The following ANOS1 variants were observed in gnomAD, a reference collection of about 807,000 sequenced individuals.
ANOS1 encodes the protein anosmin 1.
ANOS1 carries 6 observed loss-of-function variants against 59.0 expected under a neutral mutation model. The observed-to-expected ratio is 0.10, with a 90% CI of 0.06 to 0.20. The LOEUF (loss-of-function observed/expected upper bound fraction) is 0.20. ANOS1 is among the 10% of genes least tolerant of loss of function. ANOS1 has a pLI of 1.00. For missense variants in ANOS1, 433 were observed against 542.3 expected (o/e 0.80, Z 2.00); for synonymous variants, 217 against 223.4 (o/e 0.97, Z 0.25).
At chrX:8,658,487 A>T (rs5934469) in intron 2 of ANOS1, among the ~76,000 whole-genome samples, 25,038 of 110,641 alleles carry the variant, frequency 0.23, 2,141 homozygotes, top group East Asian at 0.39. Context: ...CTGTTTTTTA[A>T]CCTCCATGCC....
intron 2 of ANOS1, among the ~76,000 whole-genome samples, chrX:8,692,772 C>T (rs1476710): frequency 0.51 from 55,923 of 110,238 alleles, 10,978 homozygotes; most frequent in African/African-American, 0.71. Flanking sequence ...CCTATCATAT[C>T]TCTCCATCAG....
chrX:8,625,057 C>T (rs1931368307), intron 2 of ANOS1, among the ~76,000 whole-genome samples: 1 of 110,106 alleles, frequency 9.1e-6, no homozygotes, highest in Non-Finnish European at 1.9e-5. Flanking sequence ...TGCAGTGAGC[C>T]GAGATCGGGC....
chrX:8,591,731 A>AT (rs1181516437), intron 4 of ANOS1, among the ~76,000 whole-genome samples: 4 of 112,306 alleles, frequency 3.6e-5, no homozygotes, highest in Admixed American at 9.5e-5. Flanking sequence ...TTGTGTGCAG[A>AT]TGGGGCTCAA....
Position 8,554,551 on chromosome X carries a change from T to TG in ANOS1, c.1208-454_1208-453insC, listed in dbSNP as rs1569047133. Among the ~76,000 whole-genome samples the TG allele has an allele frequency of 6.7e-3, 639 of 95,323 alleles. 9 individuals carry two copies. The highest frequency in any genetic ancestry group is 0.025 in the African/African-American group (617 of 24,370). The allele number at this position is 95,323 out of a possible 115,157, so 82.8% of individuals were successfully genotyped here. A position where few individuals can be genotyped will look rare whatever the true frequency, so the allele number is the denominator to read the frequency against. ...AGAGCTGGCTACAGGAGTTTTTTTT[T>TG]TTTTTTTTTTTTTTTTTTTGTTGTT... On this transcript the variant is annotated intron_variant, in intron 8 of 13. Transcript: ENST00000262648.
chrX:8,618,945 T>C (rs929271026), intron 3 of ANOS1, among the ~76,000 whole-genome samples: 1 of 107,837 alleles, frequency 9.3e-6, no homozygotes, highest in African/African-American at 3.4e-5. Flanking sequence ...TGGTGATGCA[T>C]GTCTGTAATC....
At chrX:8,701,257 T>G (rs1487556054) in intron 1 of ANOS1, among the ~76,000 whole-genome samples, 4 of 111,639 alleles carry the variant, frequency 3.6e-5, no homozygotes, top group Non-Finnish European at 7.5e-5. Context: ...CCATTTCCTA[T>G]GTTTGAACGT....
At chrX:8,684,286 T>C (rs1173872777) in intron 2 of ANOS1, among the ~76,000 whole-genome samples, 1 of 111,443 alleles carries the variant, frequency 9.0e-6, no homozygotes, top group Non-Finnish European at 1.9e-5. Context: ...AGGGGACTTT[T>C]TGGTGCTGCT....
intron 3 of ANOS1, 87 bp downstream of exon 3, chrX:8,623,521 A>C (rs1365649062): frequency 1.5e-6 from 1 of 664,979 alleles, no homozygotes; most frequent in African/African-American, 2.1e-5. Flanking sequence ...CTGCAGAAGA[A>C]TAAGAAGGCC....
intron 2 of ANOS1, among the ~76,000 whole-genome samples, chrX:8,692,876 A>C (rs1237097238): frequency 2.7e-5 from 3 of 112,378 alleles, no homozygotes; most frequent in Non-Finnish European, 5.6e-5. Context: ...CAGCATGTAA[A>C]TCTTACTAAA....
chrX:8,670,431 A>G (rs1932236748), intron 2 of ANOS1, among the ~76,000 whole-genome samples: 1 of 111,250 alleles, frequency 9.0e-6, no homozygotes, highest in Non-Finnish European at 1.9e-5. Context: ...TCTGATTCCA[A>G]TTGGCTGTAC....
At chrX:8,731,732 C>T in intron 1 of ANOS1, 98 bp downstream of exon 1, 2 of 1,126,675 alleles carry the variant, frequency 1.8e-6, no homozygotes, top group South Asian at 4.1e-5. Flanking sequence ...CGGCGCTGGC[C>T]GAGAACTTTG....
At chrX:8,680,537 T>C (rs1036919247) in intron 2 of ANOS1, among the ~76,000 whole-genome samples, 2 of 111,681 alleles carry the variant, frequency 1.8e-5, no homozygotes, top group African/African-American at 6.5e-5. Flanking sequence ...GTTTTAGAGT[T>C]GTCGATCAGA....
chrX:8,702,460 G>C (rs1932761886), intron 1 of ANOS1, among the ~76,000 whole-genome samples: 1 of 111,845 alleles, frequency 8.9e-6, no homozygotes, highest in African/African-American at 3.2e-5. Flanking sequence ...GCAAAAAGCA[G>C]GGGCCAGGCA....
intron 3 of ANOS1, among the ~76,000 whole-genome samples, chrX:8,601,193 CAAAAA>C (rs34363483): frequency 6.4e-5 from 4 of 62,119 alleles, no homozygotes; most frequent in Admixed American, 2.0e-4. Context: ...GACTTTGTCT[CAAAAA>C]AAAAAAAAAA....
At chrX:8,587,570 T>G (rs1471381546) in intron 5 of ANOS1, among the ~76,000 whole-genome samples, 2 of 112,089 alleles carry the variant, frequency 1.8e-5, no homozygotes, top group African/African-American at 6.5e-5. Context: ...CCCTTCCATG[T>G]GTATTTGAAC....
At chrX:8,717,571 C>A (rs1044016602) in intron 1 of ANOS1, among the ~76,000 whole-genome samples, 2 of 111,516 alleles carry the variant, frequency 1.8e-5, no homozygotes, top group African/African-American at 6.5e-5. Flanking sequence ...TAGGCCATTT[C>A]TGGAATGATG....
chrX:8,678,158 T>C (rs1185601624), intron 2 of ANOS1, among the ~76,000 whole-genome samples: 1 of 112,373 alleles, frequency 8.9e-6, no homozygotes, highest in Non-Finnish European at 1.9e-5. Flanking sequence ...AAAAAAGTGT[T>C]TGCAAGGGTT....
rs1252388248 is a variant in ANOS1 at position 8,530,225 on chromosome X, T to C, written c.*2770A>G. ...AAAAATAATGCATGTAACTGCAATGTATGTCAGATTAACCACCTGTATTTG... is the reference window on the plus strand; with the variant it reads ...AAAAATAATGCATGTAACTGCAATGCATGTCAGATTAACCACCTGTATTTG... On this transcript the variant is annotated 3_prime_UTR_variant, in exon 14 of 14. Coordinates refer to ENST00000262648, the MANE Select transcript of ANOS1 (RefSeq NM_000216.4). 8.9e-6 allele frequency: 1 copy of C among 111,983 alleles called. No homozygotes were observed. Among genetic ancestry groups the C allele is most frequent in the Non-Finnish European group, 1.9e-5 (1 of 53,182 alleles). The allele number at this position is 111,983 out of a possible 1,213,427, so 9.2% of individuals were successfully genotyped here. A position where few individuals can be genotyped will look rare whatever the true frequency, so the allele number is the denominator to read the frequency against.
intron 2 of ANOS1, among the ~76,000 whole-genome samples, chrX:8,635,974 A>T (rs1040118888): frequency 9.0e-6 from 1 of 111,318 alleles, no homozygotes; most frequent in Non-Finnish European, 1.9e-5. Context: ...CACCAGTCAC[A>T]GCATTCGAAG....
Sources: gnomAD v4.1 joint callset for allele counts (sites outside exome capture counted in the v4.1 genomes callset) on GRCh38, gnomAD v4.1.1 for gene constraint, MANE v1.5 for transcripts, NCBI Gene and HGNC (gene_info 2026-07-23, HGNC 2026-07-21) for gene names.